NTM: variants seen among roughly 807,000 people sequenced by gnomAD.
The protein encoded by NTM is IgLON family member 2.
A neutral mutation model predicts 42.1 loss-of-function variants in NTM; 13 were observed. That is an observed-to-expected ratio of 0.31 (90% confidence interval 0.20 to 0.49). NTM has a LOEUF of 0.49. NTM is among the 20% of genes least tolerant of loss of function. NTM has a pLI of 0.99. For missense variants in NTM, 373 were observed against 452.8 expected, an observed-to-expected ratio of 0.82 and a Z score of 1.60; for synonymous variants, 187 against 179.2, an observed-to-expected ratio of 1.04 and a Z score of -0.35.
chr11:132,308,986 C>T (rs2095192949), intron 5 of NTM, among the ~76,000 whole-genome samples: 1 of 152,174 alleles, frequency 6.6e-6, no homozygotes, highest in Non-Finnish European at 1.5e-5. Flanking sequence ...CTTGCTAAAG[C>T]AAAGAGGGAA....
intron 1 of NTM, among the ~76,000 whole-genome samples, chr11:131,456,460 G>A (rs969371895): frequency 3.9e-5 from 6 of 152,088 alleles, no homozygotes; most frequent in East Asian, 3.9e-4. Flanking sequence ...TCCCTCCTTC[G>A]TTCTCATCAA....
intron 1 of NTM, among the ~76,000 whole-genome samples, chr11:131,610,925 T>A (rs1258513879): frequency 6.6e-6 from 1 of 152,102 alleles, no homozygotes; most frequent in Admixed American, 6.5e-5. Flanking sequence ...AAAGTGGCAT[T>A]TAAGAAAAAT....
intron 2 of NTM, among the ~76,000 whole-genome samples, chr11:132,033,613 C>G (rs933223745): frequency 6.6e-6 from 1 of 152,156 alleles, no homozygotes; most frequent in Admixed American, 6.5e-5. Flanking sequence ...GTTGCTCCCC[C>G]TAATGCTGTC....
At chr11:131,417,876 C>T (rs1182088909) in intron 1 of NTM, among the ~76,000 whole-genome samples, 4 of 152,188 alleles carry the variant, frequency 2.6e-5, no homozygotes, top group Non-Finnish European at 5.9e-5. Context: ...CTAGAAGTCC[C>T]TTTGGCAGTG....
chr11:131,954,586 C>T (rs1367190864), intron 2 of NTM, among the ~76,000 whole-genome samples: 1 of 152,132 alleles, frequency 6.6e-6, no homozygotes, highest in Non-Finnish European at 1.5e-5. Context: ...GTAATTTCAC[C>T]CATAGTGCAC....
chr11:131,470,000 T>C (rs1423435943), intron 1 of NTM, among the ~76,000 whole-genome samples: 1 of 152,208 alleles, frequency 6.6e-6, no homozygotes, highest in African/African-American at 2.4e-5. Context: ...TATGGTATTA[T>C]TCCAATGAGA....
chr11:132,032,395 G>T (rs1220101875), intron 2 of NTM, among the ~76,000 whole-genome samples: 2 of 152,230 alleles, frequency 1.3e-5, no homozygotes, highest in African/African-American at 4.8e-5. Flanking sequence ...ACTGCTGTTT[G>T]GGTATAGGAG....
chr11:131,501,074 A>G (rs112872642), intron 1 of NTM, among the ~76,000 whole-genome samples: 1,729 of 152,142 alleles, frequency 0.011, 36 homozygotes, highest in African/African-American at 0.039. Context: ...TTACATAACC[A>G]CAATCCAAAT....
At chr11:131,645,926 A>G (rs2065722272) in intron 1 of NTM, among the ~76,000 whole-genome samples, 1 of 152,218 alleles carries the variant, frequency 6.6e-6, no homozygotes, top group Non-Finnish European at 1.5e-5. Flanking sequence ...AAAGTGAGAT[A>G]CCAAGGCTTT....
intron 2 of NTM, among the ~76,000 whole-genome samples, chr11:132,116,032 C>T (rs1056400846): frequency 3.3e-5 from 5 of 152,222 alleles, no homozygotes; most frequent in Non-Finnish European, 7.3e-5. Context: ...GCCTTCTCTG[C>T]GTCTCTCTGA....
chr11:132,307,640 G>A, intron 4 of NTM, 49 bp from the exon 5 acceptor site: 1 of 1,608,430 alleles, frequency 6.2e-7, no homozygotes, highest in South Asian at 1.1e-5. Context: ...GAACATGTTT[G>A]GTCTTTTTTT....
chr11:132,056,764 T>G (rs767455092), intron 2 of NTM, among the ~76,000 whole-genome samples: 12 of 152,212 alleles, frequency 7.9e-5, no homozygotes, highest in Non-Finnish European at 1.6e-4. Context: ...TATTTCACTG[T>G]TAGCCAAATT....
chr11:131,785,753 T>A lies in NTM; in HGVS notation c.83-125811T>A, dbSNP rs141166689. Among the ~76,000 whole-genome samples the A allele has an allele frequency of 3.1e-3, 477 of 152,336 alleles. 2 individuals carry two copies. The highest frequency in any genetic ancestry group is 0.011 in the African/African-American group (467 of 41,588). ...ATTTGGGACACAAGGTTACGGTAAT[T>A]TTTTAATCTGATAACCTAACAATAC... is the stretch of plus-strand genomic sequence containing the variant. On this transcript the variant is annotated intron_variant, in intron 1 of 8. Coordinates refer to ENST00000683400, the MANE Select transcript of NTM (RefSeq NM_001352005.2).
At chr11:132,138,615 T>TATCTATCTATCTATC (rs1555280056) in intron 2 of NTM, among the ~76,000 whole-genome samples, 14,825 of 110,098 alleles carry the variant, frequency 0.13, 912 homozygotes, top group South Asian at 0.16. Flanking sequence ...TCTATCTATC[T>TATCTATCTATCTATC]ATCTATTCTA....
chr11:132,244,519 A>G (rs1324941714), intron 4 of NTM, among the ~76,000 whole-genome samples: 1 of 152,140 alleles, frequency 6.6e-6, no homozygotes, highest in Admixed American at 6.5e-5. Context: ...GTGATTCAGT[A>G]CCCCACTTTA....
At chr11:132,010,769 A>G (rs1348954386) in intron 2 of NTM, among the ~76,000 whole-genome samples, 2 of 151,844 alleles carry the variant, frequency 1.3e-5, no homozygotes, top group African/African-American at 2.4e-5. Context: ...TCCACTCTGC[A>G]TTTTTGCCTA....
chr11:132,182,860 G>C (rs532422398), intron 3 of NTM, among the ~76,000 whole-genome samples: 36 of 152,086 alleles, frequency 2.4e-4, no homozygotes, highest in Non-Finnish European at 4.6e-4. Context: ...CAGGAACACA[G>C]ACCACCTCAT....
rs115755760 is a variant in NTM at position 132,263,430 on chromosome 11, G to A, written c.527-44259G>A. On this transcript the variant is annotated intron_variant, in intron 4 of 8. Coordinates refer to ENST00000683400, the MANE Select transcript of NTM (RefSeq NM_001352005.2). Reference sequence around the variant, plus strand: ...CTGTTTCCTTCAGTTTAAACCAGAAGTTCTCCTGCTAGGTCAGCTGATTAG... The same window carrying A: ...CTGTTTCCTTCAGTTTAAACCAGAAATTCTCCTGCTAGGTCAGCTGATTAG... Among the ~76,000 whole-genome samples the A allele has an allele frequency of 2.3e-3, 351 of 152,294 alleles. 1 individual carries two copies. The highest frequency in any genetic ancestry group is 7.9e-3 in the African/African-American group (328 of 41,552).
chr11:131,503,824 A>C (rs2047143733), intron 1 of NTM, among the ~76,000 whole-genome samples: 1 of 152,144 alleles, frequency 6.6e-6, no homozygotes, highest in African/African-American at 2.4e-5. Flanking sequence ...TTATACATTT[A>C]AACTTAAGCT....
Sources: allele counts gnomAD v4.1 joint callset (sites outside exome capture counted in the v4.1 genomes callset), GRCh38; gene constraint gnomAD v4.1.1; transcripts MANE v1.5; gene names NCBI Gene and HGNC (gene_info 2026-07-23, HGNC 2026-07-21).